Variants in SLC10A7 observed in about 807,000 individuals in gnomAD.
SLC10A7 encodes solute carrier family 10 member 7, also known as sodium/bile acid cotransporter 7.
A neutral mutation model predicts 43.2 loss-of-function variants in SLC10A7; 29 were observed. The ratio of observed to expected loss-of-function variants is 0.67; its 90% confidence interval spans 0.50 to 0.92. The LOEUF (loss-of-function observed/expected upper bound fraction) is 0.92, where lower values mean the gene tolerates loss of function less well. Ranked by LOEUF, SLC10A7 falls within the 40% of genes least tolerant of loss-of-function variation. The pLI, the probability that SLC10A7 is intolerant of heterozygous loss-of-function variation, is 0.00. For missense variants in SLC10A7, 295 were observed against 403.2 expected, an observed-to-expected ratio of 0.73 and a Z score of 2.30; for synonymous variants, 152 against 144.8, an observed-to-expected ratio of 1.05 and a Z score of -0.35.
At chr4:146,463,521 T>G (rs1732724943) in intron 4 of SLC10A7, among the ~76,000 whole-genome samples, 1 of 152,024 alleles carries the variant, frequency 6.6e-6, no homozygotes, top group Non-Finnish European at 1.5e-5. Context: ...TAGGAGGATT[T>G]TTTGAGGCCA....
intron 4 of SLC10A7, among the ~76,000 whole-genome samples, chr4:146,471,188 CTA>C (rs1185770799): frequency 6.6e-6 from 1 of 152,148 alleles, no homozygotes; most frequent in African/African-American, 2.4e-5. Context: ...TGAGCATTTT[CTA>C]TGAGTGTCAT....
Position 146,254,867 on chromosome 4 carries a change from A to C in SLC10A7, c.*1624T>G, listed in dbSNP as rs2110952069. 6.6e-6 allele frequency: 1 copy of C among 152,356 alleles called. No homozygotes were observed. The highest frequency in any genetic ancestry group is 1.5e-5 in the Non-Finnish European group (1 of 68,036). 9.4% of individuals were successfully genotyped at this position (152,356 alleles called of 1,614,324 possible). A position where few individuals can be genotyped will look rare whatever the true frequency, so the allele number is the denominator to read the frequency against. On this transcript the variant is annotated 3_prime_UTR_variant, in exon 12 of 12. Coordinates refer to ENST00000335472, the MANE Select transcript of SLC10A7 (RefSeq NM_001029998.6). ...AGTAAAATTCTTTATAACAGTGTGT[A>C]CTACAGCCTGGTTAGCATAGATTTT...
chr4:146,488,640 AT>A (rs1735119652), intron 4 of SLC10A7, among the ~76,000 whole-genome samples: 1 of 152,164 alleles, frequency 6.6e-6, no homozygotes, highest in Non-Finnish European at 1.5e-5. Context: ...GAAGTCTTTT[AT>A]TTCCTTCTAA....
chr4:146,442,706 C>T (rs200867591), intron 5 of SLC10A7, 77 bp downstream of exon 5: 4 of 1,568,564 alleles, frequency 2.6e-6, no homozygotes, highest in African/African-American at 2.8e-5. Context: ...AAAACAAATC[C>T]AGCTTTCACT....
intron 5 of SLC10A7, among the ~76,000 whole-genome samples, chr4:146,333,579 G>A (rs1475958809): frequency 2.6e-5 from 4 of 152,132 alleles, no homozygotes; most frequent in Non-Finnish European, 5.9e-5. Context: ...GCAGAGGGAA[G>A]AGACTATAAA....
At chr4:146,340,559 A>T (rs1458434617) in intron 5 of SLC10A7, among the ~76,000 whole-genome samples, 1 of 151,630 alleles carries the variant, frequency 6.6e-6, no homozygotes, top group African/African-American at 2.4e-5. Flanking sequence ...AGAGAGAGAG[A>T]GAGTGATTAG....
At position 146,471,151 on chromosome 4, in the gene SLC10A7, G is replaced by A. The variant is rs149975034; in HGVS notation, c.397-28330C>T. ...CTTACTGGTTGAGCATCTCTAATCC[G>A]AAAATCCAAAATCCAAAATGCACCA... On this transcript the variant is annotated intron_variant, in intron 4 of 11. Coordinates refer to ENST00000335472, the MANE Select transcript of SLC10A7 (RefSeq NM_001029998.6). Among the ~76,000 whole-genome samples the A allele has an allele frequency of 6.2e-4, 94 of 152,142 alleles. No homozygotes were observed. In the East Asian group the frequency reaches 0.017, roughly 28 times the overall value.
At chr4:146,373,259 G>A (rs1736918093) in intron 5 of SLC10A7, among the ~76,000 whole-genome samples, 1 of 152,094 alleles carries the variant, frequency 6.6e-6, no homozygotes, top group African/African-American at 2.4e-5. Context: ...GGTTGCTTGA[G>A]CTCAGGATTT....
intron 10 of SLC10A7, among the ~76,000 whole-genome samples, chr4:146,281,688 C>T (rs1729567701): frequency 6.6e-6 from 1 of 152,106 alleles, no homozygotes; most frequent in Non-Finnish European, 1.5e-5. Flanking sequence ...AAGATGATTT[C>T]CTTGAGGTCA....
At chr4:146,469,630 G>T (rs1486203756) in intron 4 of SLC10A7, among the ~76,000 whole-genome samples, 4 of 152,130 alleles carry the variant, frequency 2.6e-5, no homozygotes, top group Admixed American at 6.5e-5. Context: ...AAAACCCAAA[G>T]ATTATTTATT....
intron 6 of SLC10A7, among the ~76,000 whole-genome samples, chr4:146,324,942 C>T (rs1732999556): frequency 6.6e-6 from 1 of 152,150 alleles, no homozygotes; most frequent in African/African-American, 2.4e-5. Flanking sequence ...AGGTTTATTA[C>T]TTGAAGGTAA....
intron 4 of SLC10A7, among the ~76,000 whole-genome samples, chr4:146,476,170 A>C (rs1257368322): frequency 6.6e-6 from 1 of 152,214 alleles, no homozygotes; most frequent in Non-Finnish European, 1.5e-5. Flanking sequence ...TGAATGAGGA[A>C]GGTAGAGTAA....
intron 5 of SLC10A7, among the ~76,000 whole-genome samples, chr4:146,384,893 T>G (rs1282430471): frequency 6.6e-6 from 1 of 152,068 alleles, no homozygotes; most frequent in African/African-American, 2.4e-5. Flanking sequence ...GTGCCCATAT[T>G]ATGTATTTAA....
chr4:146,337,415 C>T (rs1733964292), intron 5 of SLC10A7, among the ~76,000 whole-genome samples: 2 of 151,934 alleles, frequency 1.3e-5, no homozygotes, highest in Non-Finnish European at 2.9e-5. Flanking sequence ...GCACTGCAAA[C>T]ATTACACACA....
At chr4:146,381,275 G>T (rs900442477) in intron 5 of SLC10A7, among the ~76,000 whole-genome samples, 5 of 152,146 alleles carry the variant, frequency 3.3e-5, no homozygotes, top group Non-Finnish European at 5.9e-5. Context: ...TGAAATTTAA[G>T]TTGGGGCGGA....
intron 5 of SLC10A7, among the ~76,000 whole-genome samples, chr4:146,431,438 T>C (rs1453243343): frequency 6.6e-6 from 1 of 152,138 alleles, no homozygotes; most frequent in African/African-American, 2.4e-5. Context: ...ATATTAAATA[T>C]TCATCTTGAT....
intron 7 of SLC10A7, among the ~76,000 whole-genome samples, chr4:146,296,254 C>T (rs2111201984): frequency 6.6e-6 from 1 of 152,252 alleles, no homozygotes. Flanking sequence ...TAGGTTGTTA[C>T]ACTGTACTTT....
chr4:146,331,082 T>G (rs539979934), intron 5 of SLC10A7, among the ~76,000 whole-genome samples: 3 of 152,266 alleles, frequency 2.0e-5, no homozygotes, highest in Admixed American at 2.0e-4. Context: ...GACCCTACAG[T>G]AAGTTTTCTC....
In SLC10A7 at chr4:146,480,955, A is replaced by T. The variant is rs1284451347; in HGVS notation, c.396+22894T>A. The stretch of plus-strand genomic sequence containing the variant: ...AGGAAAAACCATGGAAAGTACAAAA[A>T]CCTGAGATGGCTGCACAGAGAAGGG... On this transcript the variant is annotated intron_variant, in intron 4 of 11. Coordinates refer to ENST00000335472, the MANE Select transcript of SLC10A7 (RefSeq NM_001029998.6). Among the ~76,000 whole-genome samples, 5 of 152,070 alleles carry T rather than the reference A, an allele frequency of 3.3e-5. No individual in the cohort carries two copies. In the East Asian group the frequency reaches 7.7e-4, roughly 23 times the overall value.
Sources: gnomAD v4.1 joint callset for allele counts (sites outside exome capture counted in the v4.1 genomes callset) on GRCh38, gnomAD v4.1.1 for gene constraint, MANE v1.5 for transcripts, NCBI Gene and HGNC (gene_info 2026-07-23, HGNC 2026-07-21) for gene names.